ALK: variants seen among roughly 807,000 people sequenced by gnomAD.
The protein encoded by ALK is ALK receptor tyrosine kinase, also known as ALK tyrosine kinase receptor.
A neutral mutation model predicts 163.1 loss-of-function variants in ALK; 74 were observed. The ratio of observed to expected loss-of-function variants is 0.45; its 90% CI spans 0.38 to 0.55. The LOEUF is 0.55. ALK is among the 20% of genes least tolerant of loss of function. ALK has a pLI of 0.00. For synonymous variants in ALK, 960 were observed against 843.2 expected (o/e 1.14, Z -2.40); for missense variants, 2,063 against 2,105.3 (o/e 0.98, Z 0.39).
At chr2:29,237,599 A>G (rs1408056264) in intron 13 of ALK, among the ~76,000 whole-genome samples, 2 of 152,218 alleles carry the variant, frequency 1.3e-5, no homozygotes, top group Non-Finnish European at 2.9e-5. Flanking sequence ...TTGTTCACCA[A>G]TATATCCCAA....
At chr2:29,591,008 T>G (rs1675039034) in intron 3 of ALK, among the ~76,000 whole-genome samples, 1 of 140,238 alleles carries the variant, frequency 7.1e-6, no homozygotes, top group Non-Finnish European at 1.5e-5. Flanking sequence ...GAGGCGGAGC[T>G]TGCAGTGAGC....
intron 3 of ALK, among the ~76,000 whole-genome samples, chr2:29,656,593 C>T (rs933072559): frequency 1.3e-5 from 2 of 152,106 alleles, no homozygotes; most frequent in East Asian, 3.9e-4. Flanking sequence ...ATATAACAAC[C>T]CTATGAAACT....
rs563533285 is a variant in ALK, at chr2:29,465,616, C to T, written c.1154+66299G>A. ...AGCTGAGGCATGAAAATCACTTGAA[C>T]CTGGGAGGTGGAGGTTGCAGTGAGC... On this transcript the variant is annotated intron_variant, in intron 4 of 28. Transcript: ENST00000389048. Among the ~76,000 whole-genome samples the T allele has an allele frequency of 9.9e-5, 15 of 152,152 alleles. No homozygotes were observed. In the South Asian group the frequency reaches 2.9e-3, roughly 29 times the overall value.
intron 5 of ALK, among the ~76,000 whole-genome samples, 173 bp downstream of exon 5, chr2:29,383,559 C>T (rs1367156470): frequency 6.6e-6 from 1 of 152,124 alleles, no homozygotes; most frequent in East Asian, 1.9e-4. Context: ...TCAAGTGATC[C>T]ACCCGTCTCG....
At chr2:29,600,944 C>A (rs1675365238) in intron 3 of ALK, among the ~76,000 whole-genome samples, 1 of 152,150 alleles carries the variant, frequency 6.6e-6, no homozygotes, top group Non-Finnish European at 1.5e-5. Context: ...AGAGGGACAC[C>A]CACCTAGGTG....
intron 4 of ALK, among the ~76,000 whole-genome samples, chr2:29,490,738 T>C (rs1671881707): frequency 6.6e-6 from 1 of 152,214 alleles, no homozygotes; most frequent in Admixed American, 6.5e-5. Flanking sequence ...AGGAAACCAG[T>C]TATACTGAAA....
rs185143599 is a variant in ALK, at chr2:29,695,458, A to G, written c.788-444T>C. On this transcript the variant is annotated intron_variant, in intron 2 of 28. Coordinates refer to ENST00000389048, the MANE Select transcript of ALK (RefSeq NM_004304.5). The stretch of plus-strand genomic sequence containing the variant: ...TGACCCTTAATTCCCTCACCTGTAC[A>G]TTAGGCTGATAATTACCACTCAAGT... Among the ~76,000 whole-genome samples the G allele has an allele frequency of 3.9e-5, 6 of 152,312 alleles. No individual in the cohort carries two copies. In the East Asian group the frequency reaches 9.7e-4, roughly 25 times the overall value.
chr2:29,358,955 C>T (rs1230329732), intron 5 of ALK, among the ~76,000 whole-genome samples: 3 of 152,084 alleles, frequency 2.0e-5, no homozygotes, highest in African/African-American at 7.2e-5. Context: ...CAGGATTTTT[C>T]CACTAAGAGT....
In ALK at chr2:29,224,739, T is replaced by C. The variant is rs549728442; in HGVS notation, c.3172+722A>G. On this transcript the variant is annotated intron_variant, in intron 19 of 28. Transcript: ENST00000389048. ...GAGCACGTAGTAACCATGCAACAAG[T>C]GTTAGCTCCTATTATCCTGTCCCTT... 259 of 216,770 alleles carry C rather than the reference T, an allele frequency of 1.2e-3. No homozygotes were observed. In the Middle Eastern group the frequency reaches 0.013, roughly 11 times the overall value. The allele number at this position is 216,770 out of a possible 1,614,324, so 13.4% of individuals were successfully genotyped here.
At chr2:29,849,173 C>A (rs779237965) in intron 1 of ALK, among the ~76,000 whole-genome samples, 2 of 152,228 alleles carry the variant, frequency 1.3e-5, no homozygotes, top group African/African-American at 4.8e-5. Context: ...CTCAGAAAAG[C>A]TGGGCTTCCC....
chr2:29,723,915 T>C (rs772448833), intron 1 of ALK, among the ~76,000 whole-genome samples: 6 of 152,222 alleles, frequency 3.9e-5, no homozygotes, highest in Admixed American at 1.3e-4. Context: ...TCGCTATTAT[T>C]CACTAGTTAA....
intron 28 of ALK, among the ~76,000 whole-genome samples, chr2:29,196,514 G>A (rs557417420): frequency 2.6e-5 from 4 of 152,196 alleles, no homozygotes; most frequent in Admixed American, 1.3e-4. Flanking sequence ...ATAAATTCTC[G>A]TGGACTGGAT....
intron 3 of ALK, among the ~76,000 whole-genome samples, chr2:29,617,048 A>C (rs945389721): frequency 3.3e-5 from 5 of 152,116 alleles, no homozygotes; most frequent in Admixed American, 3.3e-4. Flanking sequence ...AGACCTTCTG[A>C]GGCATAAAAC....
intron 3 of ALK, among the ~76,000 whole-genome samples, chr2:29,678,816 T>C (rs2148276977): frequency 6.6e-6 from 1 of 151,992 alleles, no homozygotes; most frequent in Admixed American, 6.6e-5. Context: ...ATGGTCTATA[T>C]TGAAGAATGT....
Position 29,721,714 on chromosome 2 carries a change from T to A in ALK, c.668-4017A>T, listed in dbSNP as rs527419984. On this transcript the variant is annotated intron_variant, in intron 1 of 28. Coordinates refer to ENST00000389048, the MANE Select transcript of ALK (RefSeq NM_004304.5). ...GCTAGTCTCGTCTCTTCTCAAGGGA[T>A]CTGCTGTTACAATGGTCCTGCATCA... Among the ~76,000 whole-genome samples, 12 of 152,350 alleles carry A rather than the reference T, an allele frequency of 7.9e-5. No homozygotes were observed. In the South Asian group the frequency reaches 2.5e-3, roughly 32 times the overall value.
At chr2:29,198,404 G>A (rs1669077153) in intron 26 of ALK, among the ~76,000 whole-genome samples, 1 of 152,028 alleles carries the variant, frequency 6.6e-6, no homozygotes, top group Non-Finnish European at 1.5e-5. Flanking sequence ...CCAAAACCTA[G>A]GAGTCATCCT....
chr2:29,805,632 TG>T (rs1191746095), intron 1 of ALK, among the ~76,000 whole-genome samples: 3 of 152,200 alleles, frequency 2.0e-5, no homozygotes, highest in African/African-American at 4.8e-5. Context: ...CTGAGGATAA[TG>T]GCTTCCAGTT....
In ALK at chr2:29,767,077, G is replaced by C. The variant is rs1573618744; in HGVS notation, c.668-49380C>G. 2.0e-5 allele frequency among the ~76,000 whole-genome samples: 3 copies of C among 152,232 alleles called. 1 individual carries two copies. The highest frequency in any genetic ancestry group is 2.0e-4 in the Admixed American group (3 of 15,290). On this transcript the variant is annotated intron_variant, in intron 1 of 28. Coordinates refer to ENST00000389048, the MANE Select transcript of ALK (RefSeq NM_004304.5). ...AGTTTTGGCAATGTACTACAAAATA[G>C]GAACCACAGCTATTTATAACTTTTA...
chr2:29,799,103 A>G (rs1478752394), intron 1 of ALK, among the ~76,000 whole-genome samples: 1 of 152,250 alleles, frequency 6.6e-6, no homozygotes, highest in South Asian at 2.1e-4. Flanking sequence ...ATTGGAAGCC[A>G]CAGCTGCACC....
Sources: gnomAD v4.1 joint callset for allele counts (sites outside exome capture counted in the v4.1 genomes callset) on GRCh38, gnomAD v4.1.1 for gene constraint, MANE v1.5 for transcripts, NCBI Gene and HGNC (gene_info 2026-07-23, HGNC 2026-07-21) for gene names.